The following EXTL2 variants were observed in gnomAD, a reference collection of about 807,000 sequenced individuals.
EXTL2 encodes exostosin like glycosyltransferase 2, also known as exostosin-like 2.
EXTL2 carries 23 observed loss-of-function variants against 30.7 expected under a neutral mutation model. That is an observed-to-expected ratio of 0.75 (90% CI 0.54 to 1.06). The LOEUF (loss-of-function observed/expected upper bound fraction) is 1.06. Among genes scored for constraint, EXTL2 ranks in the 50% least tolerant of loss-of-function variants. The pLI is 0.00. For synonymous variants in EXTL2, 123 were observed against 133.8 expected (o/e 0.92, Z 0.56); for missense variants, 352 against 396.3 (o/e 0.89, Z 0.95).
At chr1:100,885,390 G>A (rs1479077696) in intron 2 of EXTL2, among the ~76,000 whole-genome samples, 4 of 152,076 alleles carry the variant, frequency 2.6e-5, no homozygotes, top group East Asian at 1.9e-4. Flanking sequence ...CATGATAACC[G>A]GAAGCTATAT....
At chr1:100,874,908 C>T (rs1393750217) in intron 4 of EXTL2, among the ~76,000 whole-genome samples, 1 of 151,960 alleles carries the variant, frequency 6.6e-6, no homozygotes, top group Non-Finnish European at 1.5e-5. Context: ...ATAAAAATTA[C>T]TGTTGATTTT....
chr1:100,884,094 G>C (rs574478392), intron 2 of EXTL2, among the ~76,000 whole-genome samples: 3 of 152,272 alleles, frequency 2.0e-5, no homozygotes, highest in African/African-American at 7.2e-5. Context: ...CCAGAGAGAA[G>C]CTGAAAACAA....
intron 2 of EXTL2, among the ~76,000 whole-genome samples, chr1:100,886,652 G>C (rs776765545): frequency 2.6e-5 from 4 of 152,100 alleles, no homozygotes; most frequent in Non-Finnish European, 1.5e-5. Context: ...AGTTTGCTTT[G>C]TTATCACTTA....
intron 4 of EXTL2, among the ~76,000 whole-genome samples, chr1:100,875,230 G>GAAACAC (rs1553231087): frequency 6.7e-6 from 1 of 149,310 alleles, no homozygotes; most frequent in Non-Finnish European, 1.5e-5. Flanking sequence ...CAGAACTAGG[G>GAAACAC]ACACACACAC....
In EXTL2 at chr1:100,873,134, G is replaced by A. The variant is rs543174391; in HGVS notation, c.*808C>T. On this transcript the variant is annotated 3_prime_UTR_variant, in exon 5 of 5. Transcript: ENST00000370114. ...ATTTCTTAAACAACACATACATTATGTAAAATATAAGAATTAATGTACATT... is the reference window on the plus strand; with the variant it reads ...ATTTCTTAAACAACACATACATTATATAAAATATAAGAATTAATGTACATT... The A allele has an allele frequency of 1.1e-4, 16 of 151,950 alleles. No individual in the cohort carries two copies. In the South Asian group the frequency reaches 3.3e-3, roughly 32 times the overall value. 9.4% of individuals were successfully genotyped at this position (151,950 alleles called of 1,614,324 possible).
chr1:100,873,646 TGCCAG>T lies in EXTL2; in HGVS notation c.*291_*295del. 4.5e-6 allele frequency: 1 copy of T among 222,906 alleles called. No individual in the cohort carries two copies. The highest frequency in any genetic ancestry group is 8.8e-6 in the Non-Finnish European group (1 of 113,878). 13.8% of individuals were successfully genotyped at this position (222,906 alleles called of 1,614,324 possible). A position where few individuals can be genotyped will look rare whatever the true frequency, so the allele number is the denominator to read the frequency against. The stretch of plus-strand genomic sequence containing the variant: ...GCTTGCTATAGGTCCTTAAGGCAAA[TGCCAG>T]GAGTCAAAGAAACTGTAGAACAGTC... On this transcript the variant is annotated 3_prime_UTR_variant, in exon 5 of 5. Coordinates refer to ENST00000370114, the MANE Select transcript of EXTL2 (RefSeq NM_001033025.3).
In EXTL2 at chr1:100,873,235, C is replaced by T. The variant is rs975040137; in HGVS notation, c.*707G>A. On this transcript the variant is annotated 3_prime_UTR_variant, in exon 5 of 5. Coordinates refer to ENST00000370114, the MANE Select transcript of EXTL2 (RefSeq NM_001033025.3). ...TTTACTCCTTGCTGCATATAAGTGG[C>T]GTGTAAGAAATACAGGGTATATTGT... 3 of 151,908 alleles carry T rather than the reference C, an allele frequency of 2.0e-5. No individual in the cohort carries two copies. Among genetic ancestry groups the T allele is most frequent in the Non-Finnish European group, 2.9e-5 (2 of 67,960 alleles). 9.4% of individuals were successfully genotyped at this position (151,908 alleles called of 1,614,324 possible).
upstream of EXTL2, chr1:100,895,168 G>C (rs1257246943): frequency 6.6e-6 from 1 of 152,276 alleles, no homozygotes; most frequent in Admixed American, 6.5e-5. Flanking sequence ...TGGCCTGGAG[G>C]TTCTGACAAG....
rs749120908 is a variant in EXTL2, at chr1:100,874,403, C to A, written c.532G>T (p.Val178Phe). ...QQFPDQIVGF[V>F]PRKHVSTSSG... Reference sequence around the variant, plus strand: ...GAAGTAGAGACGTGCTTTCTAGGAACAAATCCTACAATTTGATCAGGAAAT... The same window carrying A: ...GAAGTAGAGACGTGCTTTCTAGGAAAAAATCCTACAATTTGATCAGGAAAT... Residue 178 changes from valine to phenylalanine, a missense_variant, in exon 5 of 5, where the codon GTT becomes TTT. Coordinates refer to ENST00000370114, the MANE Select transcript of EXTL2 (RefSeq NM_001033025.3). The A allele has an allele frequency of 2.5e-6, 4 of 1,591,734 alleles. No homozygotes were observed. Among genetic ancestry groups the A allele is most frequent in the Non-Finnish European group, 3.4e-6 (4 of 1,168,292 alleles).
chr1:100,882,955 A>G (rs1214773704), intron 2 of EXTL2, among the ~76,000 whole-genome samples: 1 of 152,234 alleles, frequency 6.6e-6, no homozygotes, highest in Non-Finnish European at 1.5e-5. Flanking sequence ...GGTCCTCCTT[A>G]GCCAGTTTCC....
intron 3 of EXTL2, 50 bp from the exon 4 acceptor site, chr1:100,876,914 A>G: frequency 7.3e-6 from 9 of 1,230,902 alleles, no homozygotes; most frequent in Non-Finnish European, 1.1e-5. Context: ...AAATGAAAAC[A>G]AAAGTAGTAA....
At chr1:100,889,030 C>G (rs1217411077) in intron 1 of EXTL2, among the ~76,000 whole-genome samples, 1 of 152,134 alleles carries the variant, frequency 6.6e-6, no homozygotes, top group East Asian at 1.9e-4. Context: ...GAGGTTGGTG[C>G]TATATTTTGG....
At chr1:100,883,927 T>C (rs1171418431) in intron 2 of EXTL2, among the ~76,000 whole-genome samples, 1 of 152,226 alleles carries the variant, frequency 6.6e-6, no homozygotes, top group Non-Finnish European at 1.5e-5. Flanking sequence ...GTACAAATTC[T>C]GTCATGGATG....
rs780700491 is a variant in EXTL2, at chr1:100,877,879, A to G, written c.30T>C (p.Pro10=). The G allele has an allele frequency of 1.3e-6, 2 of 1,598,356 alleles. No individual in the cohort carries two copies. Among genetic ancestry groups the G allele is most frequent in the Non-Finnish European group, 1.7e-6 (2 of 1,178,882 alleles). Reference sequence around the variant, plus strand: ...GCACTCGAATCCCCATTACTCTCCCAGGAAGTTTGCAGATGTGGCAACACC... The same window carrying G: ...GCACTCGAATCCCCATTACTCTCCCGGGAAGTTTGCAGATGTGGCAACACC... MRCCHICKL[P]GRVMGIRVLR... is the part of the protein sequence containing the mutation. The change falls in exon 3 of 5, where the codon CCT becomes CCC. Residue 10 remains proline, a synonymous_variant. Coordinates refer to ENST00000370114, the MANE Select transcript of EXTL2 (RefSeq NM_001033025.3). The surrounding 1 kb of genome is among the most constrained non-coding windows in gnomAD (Gnocchi z 4.1).
intron 2 of EXTL2, chr1:100,885,712 G>A (rs557820314): frequency 6.6e-6 from 1 of 152,252 alleles, no homozygotes; most frequent in East Asian, 1.9e-4. Context: ...CAAGATTCGG[G>A]GAAGAGTTTT....
intron 2 of EXTL2, among the ~76,000 whole-genome samples, chr1:100,884,438 G>A (rs191297327): frequency 4.2e-4 from 64 of 152,268 alleles, no homozygotes; most frequent in African/African-American, 1.4e-3. Context: ...GCTGATGCAC[G>A]TAAGAAGATG....
At chr1:100,879,433 A>G (rs1649392377) in intron 2 of EXTL2, among the ~76,000 whole-genome samples, 1 of 152,220 alleles carries the variant, frequency 6.6e-6, no homozygotes, top group Non-Finnish European at 1.5e-5. Flanking sequence ...ACTTATGAAA[A>G]GAAAGACTGG....
rs1199199508 is a variant in EXTL2 at position 100,877,024 on chromosome 1, A to AT, written c.434-161dup. Among the ~76,000 whole-genome samples the AT allele has an allele frequency of 6.6e-6, 1 of 152,168 alleles. No homozygotes were observed. Among genetic ancestry groups the AT allele is most frequent in the African/African-American group, 2.4e-5 (1 of 41,528 alleles). On this transcript the variant is annotated intron_variant, in intron 3 of 4. Coordinates refer to ENST00000370114, the MANE Select transcript of EXTL2 (RefSeq NM_001033025.3). This position sits in a 1 kb window ranked among gnomAD's most constrained non-coding sequence, Gnocchi z 4.1. ...GGGGAGATTTGTCCAGTAGAAAATA[A>AT]TTTTTTTGGTATCATAACTGATTGT...
intron 2 of EXTL2, among the ~76,000 whole-genome samples, chr1:100,883,643 A>G (rs761903831): frequency 1.3e-5 from 2 of 152,118 alleles, no homozygotes; most frequent in Admixed American, 1.3e-4. Flanking sequence ...TTCTTCATTC[A>G]TCAGTTAATG....
Sources: allele counts gnomAD v4.1 joint callset (sites outside exome capture counted in the v4.1 genomes callset), GRCh38; gene constraint gnomAD v4.1.1; non-coding constraint Gnocchi (gnomAD v3.1); transcripts MANE v1.5; gene names NCBI Gene and HGNC (gene_info 2026-07-23, HGNC 2026-07-21).